Variants in LYST observed in about 807,000 individuals in gnomAD.
LYST encodes lysosomal trafficking regulator.
In LYST, 192 loss-of-function variants were observed where a neutral mutation model predicts 413.6. The ratio of observed to expected loss-of-function variants is 0.46; its 90% CI spans 0.41 to 0.52. The LOEUF (loss-of-function observed/expected upper bound fraction) is 0.52. LYST is among the 20% of genes least tolerant of loss of function. LYST has a pLI of 0.00. For synonymous variants in LYST, 1,525 were observed against 1,567.3 expected (o/e 0.97, Z 0.64); for missense variants, 3,815 against 4,499.9 (o/e 0.85, Z 4.35).
intron 34 of LYST, among the ~76,000 whole-genome samples, chr1:235,731,393 G>T (rs999813745): frequency 2.0e-5 from 3 of 152,022 alleles, no homozygotes; most frequent in Admixed American, 6.6e-5. Flanking sequence ...CCAGTTCCTC[G>T]CCTGAAGGCA....
intron 1 of LYST, among the ~76,000 whole-genome samples, chr1:235,872,790 C>G (rs1369794300): frequency 6.6e-6 from 1 of 151,992 alleles, no homozygotes; most frequent in Non-Finnish European, 1.5e-5. Context: ...GTGGTGCATG[C>G]CTGTAGTCCC....
rs550529831 is a variant in LYST, at chr1:235,742,827, C to T, written c.8151+1152G>A. Among the ~76,000 whole-genome samples the T allele has an allele frequency of 1.3e-4, 20 of 152,192 alleles. No homozygotes were observed. The South Asian group carries it at 4.2e-3, about 32-fold the overall frequency. On this transcript the variant is annotated intron_variant, in intron 30 of 52. Transcript: ENST00000389793. ...ACTGCATATAGCAGTACCCCCTTAC[C>T]TGTGGTTTTGCTTTCCACAGTCAAC...
rs1672830238 is a variant in LYST, at chr1:235,806,335, C to T, written c.2801G>A (p.Ser934Asn). 6.2e-7 allele frequency: 1 copy of T among 1,613,896 alleles called. No homozygotes were observed. The highest frequency in any genetic ancestry group is 8.5e-7 in the Non-Finnish European group (1 of 1,179,992). ...TGGCAGCATATGACTTAAAGGCTCG[C>T]TGGCTGTGCTGTCATAGCCAGAAGT... ...EDTSGYDSTA[S>N]EPLSHMLPCI... is the part of the protein sequence containing the mutation. The change falls in exon 6 of 53, where the codon AGC becomes AAC. Residue 934 changes from serine to asparagine, a missense_variant. Ser to Asn is a conservative substitution (Grantham distance 46, BLOSUM62 1). Transcript: ENST00000389793.
Position 235,730,164 on chromosome 1 carries a change from T to G in LYST, c.9045-507A>C, listed in dbSNP as rs1207662487. Among the ~76,000 whole-genome samples the G allele has an allele frequency of 2.0e-5, 3 of 152,076 alleles. No homozygotes were observed. The East Asian group carries it at 5.8e-4, about 29-fold the overall frequency. On this transcript the variant is annotated intron_variant, in intron 36 of 52. Coordinates refer to ENST00000389793, the MANE Select transcript of LYST (RefSeq NM_000081.4). ...GGAATCAGAAAGTTCCTTTGTGTTC[T>G]TAGCCAATTATCTTCTTTGTGTCTC...
At chr1:235,688,549 A>G (rs1345157013) in intron 47 of LYST, among the ~76,000 whole-genome samples, 2 of 152,212 alleles carry the variant, frequency 1.3e-5, no homozygotes, top group Non-Finnish European at 2.9e-5. Context: ...TTCATTTTCT[A>G]CCAAGAAAGC....
chr1:235,791,796 C>A lies in LYST; in HGVS notation c.4446G>T (p.Glu1482Asp). 1 of 1,613,974 alleles carries A rather than the reference C, an allele frequency of 6.2e-7. No homozygotes were observed. The highest frequency in any genetic ancestry group is 8.5e-7 in the Non-Finnish European group (1 of 1,179,844). ...TAGTACTCTCAGCTTCATGGATACA[C>A]TCCACATTAAACCACAGGGAAACAC... ...GFSVSLWFNV[E>D]CIHEAESTTE... The change falls in exon 12 of 53, where the codon GAG (glutamate) becomes GAT (aspartate). Residue 1482 changes from glutamate (E) to aspartate (D), a missense_variant. By Grantham distance (45) the Glu-to-Asp change is conservative. This residue lies in a region of LYST where 1,648 missense variants were observed against 1,810.3 expected (regional missense o/e 0.91). Transcript: ENST00000389793.
intron 2 of LYST, among the ~76,000 whole-genome samples, 170 bp downstream of exon 2, chr1:235,833,408 A>G (rs1009468013): frequency 4.6e-5 from 7 of 152,128 alleles, no homozygotes; most frequent in African/African-American, 1.7e-4. Context: ...ATTCCATTAA[A>G]CCATCATGCA....
intron 1 of LYST, among the ~76,000 whole-genome samples, chr1:235,838,311 T>G (rs986910436): frequency 1.3e-5 from 2 of 152,192 alleles, no homozygotes; most frequent in Non-Finnish European, 2.9e-5. Context: ...TCAATAACTA[T>G]ACCCATACTA....
intron 31 of LYST, chr1:235,737,916 A>ACGAAGTTC: frequency 7.7e-6 from 9 of 1,163,404 alleles, no homozygotes; most frequent in East Asian, 8.3e-5. Context: ...GCTGCCGACG[A>ACGAAGTTC]GTCTGGATCT....
At chr1:235,713,001 G>A (rs1282859403) in intron 42 of LYST, 1 of 985,204 alleles carries the variant, frequency 1.0e-6, no homozygotes, top group Admixed American at 6.1e-5. Flanking sequence ...AAACTCCTCT[G>A]AACTTGTTGA....
chr1:235,751,101 A>G, intron 28 of LYST, 109 bp downstream of exon 28: 1 of 1,146,776 alleles, frequency 8.7e-7, no homozygotes, highest in Non-Finnish European at 1.3e-6. Context: ...AATCTTTCTT[A>G]AATTTTATGT....
At chr1:235,841,931 TG>T (rs1167762838) in intron 1 of LYST, among the ~76,000 whole-genome samples, 1 of 152,070 alleles carries the variant, frequency 6.6e-6, no homozygotes, top group Non-Finnish European at 1.5e-5. Flanking sequence ...AATAGTCAAA[TG>T]GGGGAAAGTA....
At position 235,835,748 on chromosome 1, in the gene LYST, C is replaced by G. The variant is rs1156296298; in HGVS notation, c.-97-2081G>C. Among the ~76,000 whole-genome samples the G allele has an allele frequency of 2.0e-5, 3 of 152,214 alleles. No homozygotes were observed. In the East Asian group the frequency reaches 5.8e-4, roughly 29 times the overall value. On this transcript the variant is annotated intron_variant, in intron 1 of 52. Transcript: ENST00000389793. The stretch of plus-strand genomic sequence containing the variant: ...TAGATACATTTTTAATAATGATGCC[C>G]TTAGCCCATTATATATTTGCCTCTG...
intron 36 of LYST, 82 bp downstream of exon 36, chr1:235,730,765 A>G: frequency 9.9e-7 from 1 of 1,011,434 alleles, no homozygotes; most frequent in Non-Finnish European, 1.6e-6. Context: ...TGATGGCATT[A>G]TATAAAATAA....
intron 45 of LYST, among the ~76,000 whole-genome samples, chr1:235,698,874 AAAAAAC>A (rs1036486258): frequency 2.0e-5 from 3 of 152,136 alleles, no homozygotes; most frequent in Admixed American, 1.3e-4. Flanking sequence ...CTCTGTCTCA[AAAAAAC>A]AAAAACAAAA....
Position 235,793,559 on chromosome 1 carries a change from A to T in LYST, c.4060T>A (p.Cys1354Ser). ...LLVSLMSSRT[C>S]SEELTLLLRI... Reference sequence around the variant, plus strand: ...AAAAGAAGGGTTAGCTCTTCTGAACATGTTCTTGAACTCATCAAAGATACC... The same window carrying T: ...AAAAGAAGGGTTAGCTCTTCTGAACTTGTTCTTGAACTCATCAAAGATACC... The change falls in exon 11 of 53, where the codon TGT becomes AGT. Residue 1354 changes from cysteine to serine, a missense_variant. Coordinates refer to ENST00000389793, the MANE Select transcript of LYST (RefSeq NM_000081.4). 6.2e-7 allele frequency: 1 copy of T among 1,603,742 alleles called. No homozygotes were observed. Among genetic ancestry groups the T allele is most frequent in the African/African-American group, 1.3e-5 (1 of 74,832 alleles).
intron 3 of LYST, among the ~76,000 whole-genome samples, chr1:235,826,824 G>C (rs1675385623): frequency 6.6e-6 from 1 of 152,014 alleles, no homozygotes; most frequent in African/African-American, 2.4e-5. Context: ...TGGGACTATA[G>C]GCACACACCA....
At chr1:235,839,684 T>C (rs1676990120) in intron 1 of LYST, 1 of 150,024 alleles carries the variant, frequency 6.7e-6, no homozygotes. Context: ...GCACCGCCTA[T>C]AGTCCCAGTA....
At chr1:235,667,807 C>A (rs998356858) in intron 50 of LYST, among the ~76,000 whole-genome samples, 1 of 151,988 alleles carries the variant, frequency 6.6e-6, no homozygotes, top group African/African-American at 2.4e-5. Context: ...GGACTACAGG[C>A]GAGTGCCACC....
Sources: gnomAD v4.1 joint callset for allele counts (sites outside exome capture counted in the v4.1 genomes callset) on GRCh38, gnomAD v4.1.1 for gene constraint, gnomAD v4.1.1 regional missense constraint, MANE v1.5 for transcripts, NCBI Gene and HGNC (gene_info 2026-07-23, HGNC 2026-07-21) for gene names.